TRIO: variants seen among roughly 807,000 people sequenced by gnomAD.
TRIO encodes the protein trio Rho guanine nucleotide exchange factor.
TRIO carries 58 observed loss-of-function variants against 351.9 expected under a neutral mutation model. That is an observed-to-expected ratio of 0.16 (90% CI 0.13 to 0.21). TRIO has a LOEUF of 0.21. TRIO is among the 10% of genes least tolerant of loss of function. TRIO has a pLI of 1.00. For missense variants in TRIO, 3,201 were observed against 4,027.8 expected (o/e 0.79, Z 5.56); for synonymous variants, 1,758 against 1,595.7 (o/e 1.10, Z -2.42).
chr5:14,258,525 C>T (rs574539444), intron 1 of TRIO, among the ~76,000 whole-genome samples: 1 of 152,244 alleles, frequency 6.6e-6, no homozygotes, highest in Admixed American at 6.5e-5. Context: ...AATTAGGAGA[C>T]TGGAAAAAGG....
intron 19 of TRIO, among the ~76,000 whole-genome samples, chr5:14,376,367 A>C (rs1254098058): frequency 1.3e-5 from 2 of 152,246 alleles, no homozygotes. Context: ...GTACAAATAC[A>C]TATGTTAGCT....
At chr5:14,186,973 C>T (rs370692479) in intron 1 of TRIO, among the ~76,000 whole-genome samples, 4 of 152,064 alleles carry the variant, frequency 2.6e-5, no homozygotes, top group Admixed American at 6.6e-5. Context: ...TGGTGGATAA[C>T]GTTATATTAA....
At chr5:14,396,903 T>C (rs1361314142) in intron 28 of TRIO, 140 bp from the exon 29 acceptor site, 2 of 673,744 alleles carry the variant, frequency 3.0e-6, no homozygotes, top group Non-Finnish European at 5.1e-6. Flanking sequence ...AGTAGTTTAT[T>C]TCTATGAGAA....
At chr5:14,442,757 T>C (rs1179105370) in intron 34 of TRIO, among the ~76,000 whole-genome samples, 1 of 152,206 alleles carries the variant, frequency 6.6e-6, no homozygotes. Context: ...CCTAATTTAA[T>C]GTAGTAATTT....
chr5:14,274,649 G>A (rs143990945), intron 2 of TRIO, among the ~76,000 whole-genome samples: 1 of 152,126 alleles, frequency 6.6e-6, no homozygotes, highest in East Asian at 1.9e-4. Context: ...AGGAGAAGTA[G>A]GATAAGTGAT....
chr5:14,302,642 A>T (rs1738000864), intron 7 of TRIO, among the ~76,000 whole-genome samples: 1 of 152,248 alleles, frequency 6.6e-6, no homozygotes, highest in South Asian at 2.1e-4. Context: ...ATTTCCATAA[A>T]CAGTTATTAT....
At position 14,364,733 on chromosome 5, in the gene TRIO, G is replaced by C. The variant is rs775246507; in HGVS notation, c.2671G>C (p.Glu891Gln). The C allele has an allele frequency of 9.3e-6, 15 of 1,613,068 alleles. No individual in the cohort carries two copies. The highest frequency in any genetic ancestry group is 1.2e-5 in the Non-Finnish European group (14 of 1,179,954). The change falls in exon 15 of 57, where the codon GAA (glutamate) becomes CAA (glutamine). Residue 891 changes from glutamate (E) to glutamine (Q), a missense_variant. Coordinates refer to ENST00000344204, the MANE Select transcript of TRIO (RefSeq NM_007118.4). Reference sequence around the variant, plus strand: ...GGAGTTTCTTCATGAAAAACAGCAGGAATTGGATTTAGCCGCAGAGCAGCA... The same window carrying C: ...GGAGTTTCTTCATGAAAAACAGCAGCAATTGGATTTAGCCGCAGAGCAGCA... ...LLEFLHEKQQ[E>Q]LDLAAEQHRK... is the part of the protein sequence containing the mutation.
intron 30 of TRIO, among the ~76,000 whole-genome samples, chr5:14,400,441 C>T (rs1455889029): frequency 6.6e-6 from 1 of 152,078 alleles, no homozygotes; most frequent in African/African-American, 2.4e-5. Context: ...CCATGTTCTG[C>T]ATATATTACA....
chr5:14,291,256 G>C, intron 5 of TRIO, 28 bp downstream of exon 5: 1 of 1,597,502 alleles, frequency 6.3e-7, no homozygotes, highest in Non-Finnish European at 8.5e-7. Context: ...TAATGCCTCA[G>C]TGGACATGGG....
At chr5:14,491,437 C>T (rs571994999) in intron 48 of TRIO, among the ~76,000 whole-genome samples, 41 of 152,316 alleles carry the variant, frequency 2.7e-4, no homozygotes, top group African/African-American at 8.7e-4. Flanking sequence ...CACAAGTTCA[C>T]GGGAACGAGG....
chr5:14,219,586 C>T (rs1490644986), intron 1 of TRIO, among the ~76,000 whole-genome samples: 1 of 152,160 alleles, frequency 6.6e-6, no homozygotes, highest in African/African-American at 2.4e-5. Flanking sequence ...ACCACCAATC[C>T]CGTATTAATA....
At chr5:14,462,993 T>G in intron 36 of TRIO, 68 bp downstream of exon 36, 1 of 1,470,992 alleles carries the variant, frequency 6.8e-7, no homozygotes, top group Non-Finnish European at 9.0e-7. Flanking sequence ...CGGTAGCTGC[T>G]TCACACCAGC....
chr5:14,491,704 T>G (rs970331652), intron 48 of TRIO, among the ~76,000 whole-genome samples: 2 of 152,142 alleles, frequency 1.3e-5, no homozygotes, highest in Non-Finnish European at 1.5e-5. Context: ...ACTCACCATA[T>G]GTTGAGTTCC....
At chr5:14,185,498 C>T (rs966309579) in intron 1 of TRIO, among the ~76,000 whole-genome samples, 27 of 152,336 alleles carry the variant, frequency 1.8e-4, no homozygotes, top group East Asian at 5.8e-4. Context: ...TGGCCACACA[C>T]GCACTGGAGC....
At chr5:14,243,245 C>A (rs566637962) in intron 1 of TRIO, among the ~76,000 whole-genome samples, 4 of 152,150 alleles carry the variant, frequency 2.6e-5, no homozygotes, top group Non-Finnish European at 5.9e-5. Flanking sequence ...TGCTGTTACT[C>A]CCCCCTCCCT....
intron 11 of TRIO, among the ~76,000 whole-genome samples, chr5:14,346,662 T>C (rs1448414253): frequency 6.6e-6 from 1 of 152,228 alleles, no homozygotes; most frequent in Non-Finnish European, 1.5e-5. Flanking sequence ...CTTTATTTTG[T>C]TCTCTACTAG....
intron 1 of TRIO, among the ~76,000 whole-genome samples, chr5:14,222,258 A>C (rs542230218): frequency 6.6e-6 from 1 of 152,204 alleles, no homozygotes; most frequent in African/African-American, 2.4e-5. Flanking sequence ...CATGTAACGT[A>C]TAGTGTAAAC....
chr5:14,458,369 T>C (rs188975295), intron 34 of TRIO, among the ~76,000 whole-genome samples: 44 of 152,276 alleles, frequency 2.9e-4, no homozygotes, highest in African/African-American at 1.0e-3. Flanking sequence ...CCTGGAGCTT[T>C]TATCCATTCT....
chr5:14,212,737 T>A (rs1250111413), intron 1 of TRIO, among the ~76,000 whole-genome samples: 2 of 152,172 alleles, frequency 1.3e-5, no homozygotes, highest in Non-Finnish European at 2.9e-5. Flanking sequence ...TACTGATTGA[T>A]TATAGCCAGG....
Sources: gnomAD v4.1 joint callset for allele counts (sites outside exome capture counted in the v4.1 genomes callset) on GRCh38, gnomAD v4.1.1 for gene constraint, MANE v1.5 for transcripts, NCBI Gene and HGNC (gene_info 2026-07-23, HGNC 2026-07-21) for gene names.